The following COL11A1 variants were observed in gnomAD, a reference collection of about 807,000 sequenced individuals.
COL11A1 encodes collagen type XI alpha 1 chain.
COL11A1 carries 74 observed loss-of-function variants against 265.2 expected under a neutral mutation model. The observed-to-expected ratio is 0.28, with a 90% CI of 0.23 to 0.34. COL11A1 has a LOEUF of 0.34. COL11A1 is among the 10% of genes least tolerant of loss of function. The probability of loss-of-function intolerance (pLI) is 1.00; values close to 1 mark genes in which losing one functional copy is unlikely to be tolerated. For missense variants in COL11A1, 2,165 were observed against 2,263.6 expected (o/e 0.96, Z 0.88); for synonymous variants, 816 against 727.6 (o/e 1.12, Z -1.96).
In COL11A1 at chr1:102,914,381, G is replaced by T; in HGVS notation, c.3949C>A (p.Pro1317Thr). 1 of 1,608,730 alleles carries T rather than the reference G, an allele frequency of 6.2e-7. No individual in the cohort carries two copies. Among genetic ancestry groups the T allele is most frequent in the Non-Finnish European group, 8.5e-7 (1 of 1,176,828 alleles). Residue 1317 changes from proline to threonine, a missense_variant, in exon 52 of 67, where the codon CCT (proline) becomes ACT (threonine). Physicochemically the swap from Pro to Thr is conservative, Grantham distance 38. Coordinates refer to ENST00000370096, the MANE Select transcript of COL11A1 (RefSeq NM_001854.4). ...GGGCCAGGTTCCCCAGGAGGACCAG[G>T]ATCTCCAGGAAAACCAACAGGACCC... Reference protein sequence around the residue: ...NPGPVGFPGDPGPPGEPGPAG... With the variant: ...NPGPVGFPGDTGPPGEPGPAG...
chr1:102,903,654 C>T (rs1471852009), intron 54 of COL11A1, among the ~76,000 whole-genome samples: 1 of 152,118 alleles, frequency 6.6e-6, no homozygotes, highest in Non-Finnish European at 1.5e-5. Context: ...TATGCTCTTG[C>T]TATTTTCACA....
intron 4 of COL11A1, among the ~76,000 whole-genome samples, chr1:103,056,044 C>T (rs1439786657): frequency 1.3e-5 from 2 of 152,096 alleles, no homozygotes; most frequent in Non-Finnish European, 2.9e-5. Context: ...GTATAACTTA[C>T]TTGTGTTTTA....
rs1295134277 is a variant in COL11A1, at chr1:102,914,731, T to C, written c.3897A>G (p.Pro1299=). ...GGTTACCCTTAGGGCCATCATCACC[T>C]GGTGGCCCCTTGGCACCTGGAGGTC... ...AAGPPGAKGP[P]GDDGPKGNPG... is the part of the protein sequence containing the mutation. The change falls in exon 51 of 67, where the codon CCA becomes CCG. Residue 1299 remains proline (P), a synonymous_variant. Coordinates refer to ENST00000370096, the MANE Select transcript of COL11A1 (RefSeq NM_001854.4). The C allele has an allele frequency of 6.2e-7, 1 of 1,613,194 alleles. No homozygotes were observed. The highest frequency in any genetic ancestry group is 1.3e-5 in the African/African-American group (1 of 74,844).
chr1:102,917,917 C>A (rs1012753474), intron 49 of COL11A1, among the ~76,000 whole-genome samples: 2 of 151,318 alleles, frequency 1.3e-5, no homozygotes, highest in Admixed American at 1.3e-4. Flanking sequence ...ATGAAAACTA[C>A]CATTTAGTAT....
At chr1:102,947,002 C>G (rs1659365366) in intron 41 of COL11A1, 46 bp from the exon 42 acceptor site, 1 of 1,443,416 alleles carries the variant, frequency 6.9e-7, no homozygotes, top group Non-Finnish European at 9.6e-7. Context: ...GAAAGTAATA[C>G]TGGCTTAAGA....
At chr1:102,975,988 A>G (rs908885760) in intron 35 of COL11A1, among the ~76,000 whole-genome samples, 1 of 152,146 alleles carries the variant, frequency 6.6e-6, no homozygotes, top group East Asian at 1.9e-4. Flanking sequence ...TGAAACTACC[A>G]AAACTACTGG....
Position 102,887,016 on chromosome 1 carries a change from G to A in COL11A1, c.4649C>T (p.Ser1550Phe). The A allele has an allele frequency of 1.9e-6, 3 of 1,613,806 alleles. No individual in the cohort carries two copies. The highest frequency in any genetic ancestry group is 3.3e-4 in the Middle Eastern group (2 of 6,056). The change falls in exon 63 of 67, where the codon TCC becomes TTC. Residue 1550 changes from serine (S) to phenylalanine (F), a missense_variant. By Grantham distance (155) the Ser-to-Phe change is radical (BLOSUM62 -2). Coordinates refer to ENST00000370096, the MANE Select transcript of COL11A1 (RefSeq NM_001854.4). ...AGTATGTCTTCTCGTTTTTTTGGAG[G>A]ACAAGATTGGTAAAGGCTGAATGAC... ...GEVIQPLPIL[S>F]SKKTRRHTEG... is the part of the protein sequence containing the mutation.
chr1:103,000,791 T>G (rs1665030798), intron 24 of COL11A1, among the ~76,000 whole-genome samples: 1 of 152,006 alleles, frequency 6.6e-6, no homozygotes, highest in South Asian at 2.1e-4. Flanking sequence ...ATACAAAGAC[T>G]TGTATGCAAT....
intron 42 of COL11A1, among the ~76,000 whole-genome samples, chr1:102,946,037 T>C (rs2101391634): frequency 7.1e-6 from 1 of 140,458 alleles, no homozygotes; most frequent in East Asian, 2.1e-4. Flanking sequence ...GGGACATGGA[T>C]GAAATTGGAA....
At chr1:102,888,816 A>C (rs780185069) in intron 60 of COL11A1, 50 bp downstream of exon 60, 2 of 1,612,746 alleles carry the variant, frequency 1.2e-6, no homozygotes, top group Non-Finnish European at 1.7e-6. Context: ...TGTCTCTGTT[A>C]TATTTGTAAC....
chr1:102,949,871 T>A (rs2101448448), intron 41 of COL11A1, among the ~76,000 whole-genome samples: 1 of 152,278 alleles, frequency 6.6e-6, no homozygotes, highest in African/African-American at 2.4e-5. Context: ...ACAAGCTCAT[T>A]TTGGTTGAAC....
At chr1:103,105,191 TA>T (rs1674598279) in intron 1 of COL11A1, among the ~76,000 whole-genome samples, 1 of 152,010 alleles carries the variant, frequency 6.6e-6, no homozygotes, top group Admixed American at 6.6e-5. Flanking sequence ...GAATTCCAGG[TA>T]AACCCCACCT....
At chr1:102,924,088 GC>G (rs1656305699) in intron 46 of COL11A1, among the ~76,000 whole-genome samples, 1 of 151,778 alleles carries the variant, frequency 6.6e-6, no homozygotes, top group African/African-American at 2.4e-5. Flanking sequence ...GGGCGTGGTG[GC>G]AGGCGACTGT....
intron 4 of COL11A1, among the ~76,000 whole-genome samples, chr1:103,068,882 A>T (rs1177876024): frequency 6.6e-6 from 1 of 151,392 alleles, no homozygotes; most frequent in East Asian, 1.9e-4. Flanking sequence ...CAAGACATTT[A>T]CCCTGAAAAC....
intron 23 of COL11A1, 33 bp downstream of exon 23, chr1:103,002,395 T>C (rs1665194008): frequency 6.4e-7 from 1 of 1,567,068 alleles, no homozygotes; most frequent in Non-Finnish European, 8.7e-7. Flanking sequence ...TTCCCCCCAT[T>C]ATTTCAAAGG....
intron 57 of COL11A1, among the ~76,000 whole-genome samples, chr1:102,896,219 A>C (rs967745311): frequency 1.3e-5 from 2 of 152,094 alleles, no homozygotes; most frequent in African/African-American, 2.4e-5. Context: ...AGCCAAAAAA[A>C]AAAAAAAGGT....
At chr1:102,974,688 T>C in intron 36 of COL11A1, 142 bp downstream of exon 36, 1 of 671,154 alleles carries the variant, frequency 1.5e-6, no homozygotes, top group Non-Finnish European at 2.6e-6. Context: ...AAATTAAAAA[T>C]GTCTACTTTC....
chr1:102,900,696 T>G (rs943715398), intron 54 of COL11A1, among the ~76,000 whole-genome samples: 9 of 152,112 alleles, frequency 5.9e-5, no homozygotes, highest in South Asian at 2.1e-4. Context: ...AAAATCAGTA[T>G]TAGAAGAGCC....
chr1:103,003,090 A>T, intron 21 of COL11A1, 125 bp downstream of exon 21: 3 of 954,274 alleles, frequency 3.1e-6, no homozygotes, highest in South Asian at 2.8e-5. Context: ...AAAGGCAGCA[A>T]CAATAGATCT....
Sources: gnomAD v4.1 joint callset for allele counts (sites outside exome capture counted in the v4.1 genomes callset) on GRCh38, gnomAD v4.1.1 for gene constraint, MANE v1.5 for transcripts, NCBI Gene and HGNC (gene_info 2026-07-23, HGNC 2026-07-21) for gene names.